NKAIN3: variants seen among roughly 807,000 people sequenced by gnomAD.
NKAIN3 encodes the protein sodium/potassium transporting ATPase interacting 3.
A neutral mutation model predicts 30.2 loss-of-function variants in NKAIN3; 25 were observed. The observed-to-expected ratio is 0.83, with a 90% confidence interval of 0.60 to 1.16. The LOEUF (loss-of-function observed/expected upper bound fraction) is 1.16, where lower values mean the gene tolerates loss of function less well. Ranked by LOEUF, NKAIN3 falls within the 50% of genes most tolerant of loss-of-function variation. The pLI is 0.00. For synonymous variants in NKAIN3, 91 were observed against 89.6 expected, an observed-to-expected ratio of 1.02 and a Z score of -0.09; for missense variants, 225 against 254.1, an observed-to-expected ratio of 0.89 and a Z score of 0.78.
At chr8:62,591,125 C>T (rs1042322589) in intron 3 of NKAIN3, among the ~76,000 whole-genome samples, 7 of 151,866 alleles carry the variant, frequency 4.6e-5, no homozygotes, top group South Asian at 2.1e-4. Flanking sequence ...TTGTATCTTG[C>T]GATTTGGATG....
chr8:62,509,202 G>C (rs1807739146), intron 1 of NKAIN3, among the ~76,000 whole-genome samples: 1 of 151,996 alleles, frequency 6.6e-6, no homozygotes. Context: ...GGTGGGGAGG[G>C]GGTCCCAAGC....
intron 3 of NKAIN3, among the ~76,000 whole-genome samples, chr8:62,592,870 A>C (rs1810697482): frequency 1.3e-5 from 2 of 152,004 alleles, no homozygotes; most frequent in Non-Finnish European, 2.9e-5. Context: ...ATGTTTTACA[A>C]TGATAACAGG....
chr8:62,449,260 G>C (rs1362440305), intron 1 of NKAIN3, among the ~76,000 whole-genome samples: 3 of 151,978 alleles, frequency 2.0e-5, no homozygotes, highest in Admixed American at 2.0e-4. Flanking sequence ...GAGATTCTAA[G>C]TGAATGAAAA....
chr8:62,469,552 C>T (rs774104501), intron 1 of NKAIN3, among the ~76,000 whole-genome samples: 8 of 152,114 alleles, frequency 5.3e-5, no homozygotes, highest in Non-Finnish European at 1.0e-4. Flanking sequence ...AAGACTGGCG[C>T]CCAATAAGAC....
intron 4 of NKAIN3, among the ~76,000 whole-genome samples, chr8:62,877,629 C>A (rs531932452): frequency 6.6e-6 from 1 of 152,150 alleles, no homozygotes; most frequent in Non-Finnish European, 1.5e-5. Flanking sequence ...TTTTAAGTTA[C>A]GCAGTCCTAC....
Position 62,974,437 on chromosome 8 carries a change from T to C in NKAIN3, c.*9030T>C, listed in dbSNP as rs564007512. On this transcript the variant is annotated 3_prime_UTR_variant, in exon 7 of 7. Coordinates refer to ENST00000623646, the MANE Select transcript of NKAIN3 (RefSeq NM_001304533.3). ...TCTTTGTAGCAATTGTGAATGGGAGTTTGTTCATGATTTGGCTCTCTGTTT... is the reference window on the plus strand; with the variant it reads ...TCTTTGTAGCAATTGTGAATGGGAGCTTGTTCATGATTTGGCTCTCTGTTT... 6.6e-6 allele frequency among the ~76,000 whole-genome samples: 1 copy of C among 152,172 alleles called. No homozygotes were observed. Among genetic ancestry groups the C allele is most frequent in the Non-Finnish European group, 1.5e-5 (1 of 68,000 alleles).
chr8:62,274,259 A>G (rs953360841), intron 1 of NKAIN3, among the ~76,000 whole-genome samples: 2 of 97,720 alleles, frequency 2.0e-5, no homozygotes, highest in East Asian at 3.7e-4. Flanking sequence ...CCCATTTGAA[A>G]AAAAGCAATT....
At chr8:62,889,752 C>T (rs1821248409) in intron 4 of NKAIN3, among the ~76,000 whole-genome samples, 1 of 152,136 alleles carries the variant, frequency 6.6e-6, no homozygotes. Flanking sequence ...GCCTTCATGA[C>T]AGAGCACCTA....
intron 1 of NKAIN3, among the ~76,000 whole-genome samples, chr8:62,397,578 C>T (rs961616318): frequency 6.6e-6 from 1 of 152,106 alleles, no homozygotes; most frequent in African/African-American, 2.4e-5. Flanking sequence ...GAATCTGGGT[C>T]TCTTGACTCC....
intron 1 of NKAIN3, among the ~76,000 whole-genome samples, chr8:62,436,457 G>A (rs150826533): frequency 1.4e-3 from 215 of 152,250 alleles, no homozygotes; most frequent in African/African-American, 4.8e-3. Context: ...ATGAGACAGA[G>A]TAAAGCTGTC....
chr8:62,550,404 C>T (rs1431831760), intron 1 of NKAIN3, among the ~76,000 whole-genome samples: 2 of 152,088 alleles, frequency 1.3e-5, no homozygotes, highest in African/African-American at 4.8e-5. Flanking sequence ...TGGGATTGTG[C>T]GCGTGTGCGC....
In NKAIN3 at chr8:62,979,197, A is replaced by G. The variant is rs1669408544; in HGVS notation, c.*13790A>G. On this transcript the variant is annotated 3_prime_UTR_variant, in exon 7 of 7. Coordinates refer to ENST00000623646, the MANE Select transcript of NKAIN3 (RefSeq NM_001304533.3). ...AATCTGTAATTATATTTTATTGCATATTCTTCCTAGGCTGGGTGTGTGTGT... is the reference window on the plus strand; with the variant it reads ...AATCTGTAATTATATTTTATTGCATGTTCTTCCTAGGCTGGGTGTGTGTGT... 6.6e-6 allele frequency: 1 copy of G among 152,102 alleles called. No individual in the cohort carries two copies. Among genetic ancestry groups the G allele is most frequent in the African/African-American group, 2.4e-5 (1 of 41,402 alleles). 9.4% of individuals were successfully genotyped at this position (152,102 alleles called of 1,614,324 possible). A position where few individuals can be genotyped will look rare whatever the true frequency, so the allele number is the denominator to read the frequency against.
In NKAIN3 at chr8:62,679,881, A is replaced by G. The variant is rs189397246; in HGVS notation, c.274-67051A>G. ...GGGTGGGGACACAGATTCAAGCAATATCACATGGCAAAAAATAACTTCGCA... is the reference window on the plus strand; with the variant it reads ...GGGTGGGGACACAGATTCAAGCAATGTCACATGGCAAAAAATAACTTCGCA... On this transcript the variant is annotated intron_variant, in intron 3 of 6. Coordinates refer to ENST00000623646, the MANE Select transcript of NKAIN3 (RefSeq NM_001304533.3). Among the ~76,000 whole-genome samples the G allele has an allele frequency of 3.7e-4, 57 of 152,298 alleles. 1 individual carries two copies. Among genetic ancestry groups the G allele is most frequent in the African/African-American group, 1.1e-3 (47 of 41,574 alleles).
At chr8:62,531,382 C>A (rs11775866) in intron 1 of NKAIN3, among the ~76,000 whole-genome samples, 55,904 of 152,096 alleles carry the variant, frequency 0.37, 12,041 homozygotes, top group Non-Finnish European at 0.49. Context: ...CTTACTTATC[C>A]CTAAAACATC....
chr8:62,407,406 T>TG (rs1349184574), intron 1 of NKAIN3, among the ~76,000 whole-genome samples: 2 of 30,260 alleles, frequency 6.6e-5, no homozygotes, highest in East Asian at 2.2e-3. Context: ...TAGTTGTTTT[T>TG]TTTTTTTTTT....
At chr8:62,463,672 C>T (rs1284763592) in intron 1 of NKAIN3, among the ~76,000 whole-genome samples, 1 of 152,112 alleles carries the variant, frequency 6.6e-6, no homozygotes, top group Admixed American at 6.6e-5. Context: ...ATATCGTAGT[C>T]TTCTCTCATC....
At chr8:62,723,016 G>C (rs539390430) in intron 3 of NKAIN3, among the ~76,000 whole-genome samples, 3 of 152,100 alleles carry the variant, frequency 2.0e-5, no homozygotes, top group African/African-American at 7.2e-5. Context: ...AATCAGAACT[G>C]TTTCCAGCCT....
intron 1 of NKAIN3, among the ~76,000 whole-genome samples, chr8:62,469,526 G>A (rs1806261641): frequency 6.6e-6 from 1 of 152,148 alleles, no homozygotes. Context: ...CGGACACAGA[G>A]AAGACCTGCC....
chr8:62,425,619 T>TAATAGTCAG (rs1319600814), intron 1 of NKAIN3, among the ~76,000 whole-genome samples: 1 of 151,950 alleles, frequency 6.6e-6, no homozygotes, highest in African/African-American at 2.4e-5. Flanking sequence ...GTATTCTATT[T>TAATAGTCAG]TCTCTATTTT....
Sources: allele counts gnomAD v4.1 joint callset (sites outside exome capture counted in the v4.1 genomes callset), GRCh38; gene constraint gnomAD v4.1.1; transcripts MANE v1.5; gene names NCBI Gene and HGNC (gene_info 2026-07-23, HGNC 2026-07-21).